Variants in SYTL5 observed in about 807,000 individuals in gnomAD.
SYTL5 encodes the protein synaptotagmin-like protein 5.
In SYTL5, 34 loss-of-function variants were observed where a neutral mutation model predicts 55.9. That is an observed-to-expected ratio of 0.61 (90% CI 0.46 to 0.81). The LOEUF (loss-of-function observed/expected upper bound fraction) is 0.81, where lower values mean the gene tolerates loss of function less well. SYTL5 is among the 30% of genes least tolerant of loss of function. The pLI is 0.00. For synonymous variants in SYTL5, 221 were observed against 188.7 expected (o/e 1.17, Z -1.40); for missense variants, 637 against 546.7 (o/e 1.17, Z -1.65).
chrX:38,082,339 T>C (rs1192141355), intron 6 of SYTL5, among the ~76,000 whole-genome samples: 1 of 112,287 alleles, frequency 8.9e-6, no homozygotes, highest in Admixed American at 9.5e-5. Flanking sequence ...ATATGTATTA[T>C]GTGACATGTT....
the SYTL5 span, among the ~76,000 whole-genome samples, chrX:37,902,925 T>G: frequency 4.5e-5 from 5 of 112,213 alleles, no homozygotes; most frequent in Admixed American, 4.7e-4. Context: ...AATTCATTTA[T>G]GCAGCCAAAA....
At chrX:38,062,615 A>G (rs1460599923) in intron 3 of SYTL5, among the ~76,000 whole-genome samples, 1 of 111,649 alleles carries the variant, frequency 9.0e-6, no homozygotes, top group Non-Finnish European at 1.9e-5. Context: ...CACACTGACA[A>G]ACCTAGTCCC....
intron 1 of SYTL5, among the ~76,000 whole-genome samples, chrX:38,030,812 G>T (rs903864858): frequency 8.9e-6 from 1 of 112,212 alleles, no homozygotes; most frequent in Non-Finnish European, 1.9e-5. Context: ...AGCCAATTTT[G>T]AACTTGCAAA....
At chrX:37,988,915 G>A in the SYTL5 span, among the ~76,000 whole-genome samples, 2 of 111,981 alleles carry the variant, frequency 1.8e-5, no homozygotes, top group East Asian at 2.8e-4. Context: ...TAAAGGAATG[G>A]CCTGTTTTTT....
the SYTL5 span, among the ~76,000 whole-genome samples, chrX:37,968,701 A>AG: frequency 1.3e-4 from 14 of 111,689 alleles, no homozygotes; most frequent in East Asian, 3.4e-3. Flanking sequence ...TCCCCTTCTT[A>AG]GGGCAAATAG....
intron 10 of SYTL5, among the ~76,000 whole-genome samples, chrX:38,104,191 T>C (rs1329416432): frequency 8.9e-6 from 1 of 112,244 alleles, no homozygotes; most frequent in Non-Finnish European, 1.9e-5. Flanking sequence ...GTTGACACTG[T>C]GAATTACTAG....
At chrX:37,893,453 A>C in the SYTL5 span, among the ~76,000 whole-genome samples, 165 of 95,538 alleles carry the variant, frequency 1.7e-3, 1 homozygote, top group African/African-American at 6.1e-3. Flanking sequence ...TTGTATATAT[A>C]ATCTATATAT....
chrX:37,972,922 T>C, the SYTL5 span, among the ~76,000 whole-genome samples: 1 of 111,804 alleles, frequency 8.9e-6, no homozygotes, highest in African/African-American at 3.3e-5. Context: ...GACCAAGTTT[T>C]ATTGTGCAGA....
intron 6 of SYTL5, among the ~76,000 whole-genome samples, chrX:38,088,525 G>C (rs1936714023): frequency 8.9e-6 from 1 of 112,150 alleles, no homozygotes; most frequent in Non-Finnish European, 1.9e-5. Context: ...CAAAATTTAT[G>C]TTGACTTATG....
chrX:38,060,001 G>C (rs1935900478), intron 3 of SYTL5, among the ~76,000 whole-genome samples: 2 of 111,463 alleles, frequency 1.8e-5, no homozygotes, highest in Non-Finnish European at 3.8e-5. Context: ...ACCAGGGACT[G>C]TGACTCAAAA....
intron 2 of SYTL5, among the ~76,000 whole-genome samples, chrX:38,050,122 A>G (rs5963379): frequency 0.048 from 5,322 of 111,829 alleles, 318 homozygotes; most frequent in African/African-American, 0.16. Flanking sequence ...AAGGAATTAA[A>G]GATACTTTAT....
At chrX:38,019,582 A>C (rs1934473726) in intron 1 of SYTL5, among the ~76,000 whole-genome samples, 1 of 112,202 alleles carries the variant, frequency 8.9e-6, no homozygotes, top group East Asian at 2.8e-4. Flanking sequence ...TGCATTCTTC[A>C]TGAATGTATC....
At chrX:37,923,555 G>A in the SYTL5 span, among the ~76,000 whole-genome samples, 9 of 108,564 alleles carry the variant, frequency 8.3e-5, no homozygotes, top group African/African-American at 2.0e-4. Flanking sequence ...ATACATATAC[G>A]TATATATATA....
chrX:38,060,585 ATG>A (rs1408769924), intron 3 of SYTL5, among the ~76,000 whole-genome samples: 1 of 111,940 alleles, frequency 8.9e-6, no homozygotes, highest in African/African-American at 3.2e-5. Flanking sequence ...AATTGAATGG[ATG>A]AATAAATGGT....
At chrX:38,109,179 G>A (rs1937296474) in intron 12 of SYTL5, among the ~76,000 whole-genome samples, 1 of 112,223 alleles carries the variant, frequency 8.9e-6, no homozygotes. Flanking sequence ...GAAATGCAGA[G>A]CCAGATTTGA....
chrX:37,911,161 G>A, the SYTL5 span, among the ~76,000 whole-genome samples: 290 of 108,843 alleles, frequency 2.7e-3, 1 homozygote, highest in Non-Finnish European at 3.9e-3. Flanking sequence ...TAGGAGAGAC[G>A]AGGTTTCAGT....
rs2147401145 is a variant in SYTL5 at position 38,072,108 on chromosome X, G to A, written c.391G>A (p.Val131Ile). The change falls in exon 4 of 17, where the codon GTC becomes ATC. Residue 131 changes from valine (V) to isoleucine (I), a missense_variant. Coordinates refer to ENST00000297875, the MANE Select transcript of SYTL5 (RefSeq NM_138780.3). ...AGAAAAGGCAAAACGTTTCAAGCAAGTCAATGTTCTCGGCACTGATGTTGT... is the reference window on the plus strand; with the variant it reads ...AGAAAAGGCAAAACGTTTCAAGCAAATCAATGTTCTCGGCACTGATGTTGT... ...FEEKAKRFKQ[V>I]NVLGTDVVRQ... 1 of 1,211,139 alleles carries A rather than the reference G, an allele frequency of 8.3e-7. No homozygotes were observed. Among genetic ancestry groups the A allele is most frequent in the East Asian group, 3.0e-5 (1 of 33,812 alleles).
At chrX:37,906,965 G>A in the SYTL5 span, among the ~76,000 whole-genome samples, 381 of 111,661 alleles carry the variant, frequency 3.4e-3, 2 homozygotes, top group African/African-American at 0.012. Context: ...TGGTGGTGGC[G>A]GGGAGATGTT....
the SYTL5 span, among the ~76,000 whole-genome samples, chrX:37,927,003 C>T: frequency 8.9e-6 from 1 of 111,749 alleles, no homozygotes; most frequent in Non-Finnish European, 1.9e-5. Context: ...GCAAACCATT[C>T]TCTCTGCTTG....
Sources: allele counts gnomAD v4.1 joint callset (sites outside exome capture counted in the v4.1 genomes callset), GRCh38; gene constraint gnomAD v4.1.1; transcripts MANE v1.5; gene names NCBI Gene and HGNC (gene_info 2026-07-23, HGNC 2026-07-21).